The following HNRNPM variants were observed in gnomAD, a reference collection of about 807,000 sequenced individuals.
The protein encoded by HNRNPM is heterogeneous nuclear ribonucleoprotein M.
A neutral mutation model predicts 73.1 loss-of-function variants in HNRNPM; 11 were observed. The observed-to-expected ratio is 0.15, with a 90% CI of 0.09 to 0.25. The LOEUF (loss-of-function observed/expected upper bound fraction) is 0.25. Among genes scored for constraint, HNRNPM ranks in the 10% least tolerant of loss-of-function variants. HNRNPM has a pLI of 1.00. For synonymous variants in HNRNPM, 407 were observed against 355.2 expected (o/e 1.15, Z -1.64); for missense variants, 789 against 1,067.9 (o/e 0.74, Z 3.64).
intron 15 of HNRNPM, chr19:8,487,891 G>GC (rs1421553902): frequency 6.6e-6 from 1 of 152,282 alleles, no homozygotes; most frequent in African/African-American, 2.4e-5. Context: ...GGATCACAGC[G>GC]CCCCCAGCCC....
intron 12 of HNRNPM, among the ~76,000 whole-genome samples, chr19:8,479,941 A>C (rs1970792074): frequency 6.7e-6 from 1 of 148,596 alleles, no homozygotes; most frequent in Admixed American, 6.7e-5. Context: ...TGTCCGGCTA[A>C]TTTTTTGTAT....
intron 4 of HNRNPM, 23 bp downstream of exon 4, chr19:8,463,527 T>C (rs750497076): frequency 1.1e-5 from 17 of 1,613,484 alleles, no homozygotes; most frequent in East Asian, 2.2e-5. Context: ...TAGTTACTTA[T>C]TGGTATTTGA....
At chr19:8,477,409 A>G (rs765191878) in intron 12 of HNRNPM, among the ~76,000 whole-genome samples, 14 of 152,146 alleles carry the variant, frequency 9.2e-5, no homozygotes, top group Middle Eastern at 3.4e-3. Flanking sequence ...TGTTATCCCA[A>G]CACTTTGGGA....
At chr19:8,447,539 G>A (rs899759328) in intron 1 of HNRNPM, among the ~76,000 whole-genome samples, 3 of 152,060 alleles carry the variant, frequency 2.0e-5, no homozygotes, top group African/African-American at 7.2e-5. Flanking sequence ...GTTGGGGAGG[G>A]GCAGGGAAGA....
intron 5 of HNRNPM, 151 bp downstream of exon 5, chr19:8,463,837 A>G (rs1036991972): frequency 3.3e-6 from 2 of 605,808 alleles, no homozygotes; most frequent in Admixed American, 2.9e-5. Context: ...CATAGCCTAC[A>G]GCAGCCATTC....
intron 7 of HNRNPM, 107 bp downstream of exon 7, chr19:8,466,495 A>C (rs1969752808): frequency 8.7e-7 from 1 of 1,145,206 alleles, no homozygotes; most frequent in Admixed American, 1.8e-5. Flanking sequence ...CATGTTTTTT[A>C]TGTGACTAGG....
At chr19:8,484,279 C>A (rs573780996) in intron 13 of HNRNPM, among the ~76,000 whole-genome samples, 2 of 151,232 alleles carry the variant, frequency 1.3e-5, no homozygotes, top group East Asian at 3.9e-4. Flanking sequence ...TGGGTTCAAG[C>A]GATTCTCCTG....
chr19:8,458,940 ATTTAT>A (rs908519839), intron 2 of HNRNPM, among the ~76,000 whole-genome samples: 5 of 151,960 alleles, frequency 3.3e-5, no homozygotes, highest in Admixed American at 2.0e-4. Context: ...CCTGTATTTT[ATTTAT>A]TTTGTTTTTG....
In HNRNPM at chr19:8,474,148, A is replaced by T. The variant is rs774639917; in HGVS notation, c.1043-19A>T. ...AGCAGTCTTGTTGGATGATGCTGAAATGTGAACCTCTCTTGCAGGAATGGA... is the reference window on the plus strand; with the variant it reads ...AGCAGTCTTGTTGGATGATGCTGAATTGTGAACCTCTCTTGCAGGAATGGA... On this transcript the variant is annotated intron_variant, in intron 11 of 15. Transcript: ENST00000325495. The T allele has an allele frequency of 1.9e-6, 3 of 1,566,240 alleles. No individual in the cohort carries two copies. In the Admixed American group the frequency reaches 5.8e-5, roughly 30 times the overall value.
At chr19:8,458,138 G>C (rs182599736) in intron 2 of HNRNPM, among the ~76,000 whole-genome samples, 2,362 of 136,388 alleles carry the variant, frequency 0.017, 62 homozygotes, top group African/African-American at 0.073. Context: ...AGGATACTCC[G>C]GGGGGAGATT....
At chr19:8,475,345 G>A (rs1213008683) in intron 12 of HNRNPM, among the ~76,000 whole-genome samples, 1 of 152,250 alleles carries the variant, frequency 6.6e-6, no homozygotes, top group Non-Finnish European at 1.5e-5. Flanking sequence ...AATCCTTTAT[G>A]TGTTGGTGAC....
intron 1 of HNRNPM, among the ~76,000 whole-genome samples, chr19:8,455,203 A>G (rs1255044673): frequency 6.6e-6 from 1 of 151,386 alleles, no homozygotes; most frequent in African/African-American, 2.4e-5. Context: ...CTAGTCTTGA[A>G]CTCCTGGCCT....
At chr19:8,486,925 A>T in intron 14 of HNRNPM, 99 bp from the exon 15 acceptor site, 2 of 901,320 alleles carry the variant, frequency 2.2e-6, no homozygotes, top group South Asian at 1.3e-5. Flanking sequence ...GCTTCTCGGT[A>T]TAGTGAGAAA....
At chr19:8,463,912 CTG>C in intron 5 of HNRNPM, 1 of 509,938 alleles carries the variant, frequency 2.0e-6, no homozygotes, top group Admixed American at 3.3e-5. Flanking sequence ...CTTCTAATAT[CTG>C]TGATTTGTCT....
intron 1 of HNRNPM, among the ~76,000 whole-genome samples, chr19:8,454,683 C>A (rs1432506488): frequency 8.1e-6 from 1 of 124,204 alleles, no homozygotes; most frequent in Non-Finnish European, 1.8e-5. Flanking sequence ...GCCCCCCCCC[C>A]CTTTTTTTTT....
At chr19:8,471,190 TG>T (rs1970106792) in intron 9 of HNRNPM, 135 bp from the exon 10 acceptor site, 1 of 443,014 alleles carries the variant, frequency 2.3e-6, no homozygotes, top group African/African-American at 2.4e-5. Context: ...AATTTTGCAT[TG>T]GGCCCTGAGG....
chr19:8,447,462 C>T (rs1168592583), intron 1 of HNRNPM, among the ~76,000 whole-genome samples: 3 of 152,102 alleles, frequency 2.0e-5, no homozygotes, highest in Non-Finnish European at 4.4e-5. Context: ...ACCTCCGCCA[C>T]CTGCTGGGGG....
chr19:8,459,341 T>G (rs1969240108), intron 2 of HNRNPM, among the ~76,000 whole-genome samples: 1 of 152,364 alleles, frequency 6.6e-6, no homozygotes, highest in African/African-American at 2.4e-5. Context: ...AGCAGTAACG[T>G]TCTGTTATTG....
At chr19:8,458,806 T>TC (rs1270903919) in intron 2 of HNRNPM, among the ~76,000 whole-genome samples, 1 of 152,200 alleles carries the variant, frequency 6.6e-6, no homozygotes, top group African/African-American at 2.4e-5. Context: ...GTAGAAAACC[T>TC]CCATCTTGGC....
Sources: allele counts gnomAD v4.1 joint callset (sites outside exome capture counted in the v4.1 genomes callset), GRCh38; gene constraint gnomAD v4.1.1; transcripts MANE v1.5; gene names NCBI Gene and HGNC (gene_info 2026-07-23, HGNC 2026-07-21).